The following CRB1 variants were observed in gnomAD, a reference collection of about 807,000 sequenced individuals.
CRB1 encodes protein crumbs homolog 1.
Under a neutral mutation model 120.0 loss-of-function variants are expected in CRB1, and 83 were observed. The observed-to-expected ratio is 0.69, with a 90% confidence interval of 0.58 to 0.83. The LOEUF (loss-of-function observed/expected upper bound fraction) is 0.83. CRB1 is among the 40% of genes least tolerant of loss of function. The pLI, the probability that CRB1 is intolerant of heterozygous loss-of-function variation, is 0.00. For missense variants in CRB1, 1,699 were observed against 1,687.6 expected (o/e 1.01, Z -0.12); for synonymous variants, 625 against 612.5 (o/e 1.02, Z -0.30).
At chr1:197,332,968 C>T (rs1415909613) in intron 2 of CRB1, among the ~76,000 whole-genome samples, 2 of 152,140 alleles carry the variant, frequency 1.3e-5, no homozygotes, top group Non-Finnish European at 2.9e-5. Context: ...CAGCAATCAG[C>T]ATGGATGTGC....
At chr1:197,464,746 G>GA (rs144146441) in intron 11 of CRB1, among the ~76,000 whole-genome samples, 6 of 151,674 alleles carry the variant, frequency 4.0e-5, no homozygotes, top group East Asian at 3.9e-4. Context: ...GAATTATCCA[G>GA]AAAAAAAACT....
chr1:197,372,195 A>G (rs1297093123), intron 5 of CRB1, among the ~76,000 whole-genome samples: 1 of 151,714 alleles, frequency 6.6e-6, no homozygotes, highest in Admixed American at 6.6e-5. Context: ...TTTCAACTCT[A>G]CTCCCCAGGG....
intron 5 of CRB1, among the ~76,000 whole-genome samples, chr1:197,397,635 A>G (rs552561001): frequency 6.6e-6 from 1 of 152,196 alleles, no homozygotes; most frequent in Non-Finnish European, 1.5e-5. Flanking sequence ...CAATAAAAAG[A>G]CCCAAACCAT....
intron 4 of CRB1, among the ~76,000 whole-genome samples, chr1:197,349,231 C>T (rs1486946320): frequency 6.6e-6 from 1 of 152,208 alleles, no homozygotes; most frequent in African/African-American, 2.4e-5. Context: ...CAGCAATAGA[C>T]TATACCCTAT....
At chr1:197,227,412 A>G in the CRB1 span, among the ~76,000 whole-genome samples, 2 of 124,792 alleles carry the variant, frequency 1.6e-5, no homozygotes, top group Non-Finnish European at 3.2e-5. Flanking sequence ...TTTTTTTTTG[A>G]GATGGAGTCT....
the CRB1 span, among the ~76,000 whole-genome samples, chr1:197,213,975 A>C: frequency 6.6e-6 from 1 of 152,180 alleles, no homozygotes; most frequent in Admixed American, 6.5e-5. Flanking sequence ...AAGAAGTAGA[A>C]AAGGAAGAAC....
chr1:197,420,111 G>A (rs1016892837), intron 5 of CRB1, among the ~76,000 whole-genome samples: 2 of 151,896 alleles, frequency 1.3e-5, no homozygotes, highest in Non-Finnish European at 2.9e-5. Context: ...AAGAATATCT[G>A]CTTTGAAAAC....
At chr1:197,439,331 A>C (rs1665320663) in intron 10 of CRB1, 1 of 154,884 alleles carries the variant, frequency 6.5e-6, no homozygotes. Context: ...TATAGAATAC[A>C]GATACTATAT....
chr1:197,305,326 A>C (rs553427658), intron 1 of CRB1, among the ~76,000 whole-genome samples: 2 of 152,232 alleles, frequency 1.3e-5, no homozygotes, highest in African/African-American at 4.8e-5. Context: ...CAAGTGTATA[A>C]ACATATTTGT....
the CRB1 span, among the ~76,000 whole-genome samples, chr1:197,257,108 G>A: frequency 4.1e-4 from 62 of 151,890 alleles, no homozygotes; most frequent in African/African-American, 1.4e-3. Flanking sequence ...TGTAACTCTC[G>A]GTCCAAGTCC....
intron 5 of CRB1, among the ~76,000 whole-genome samples, chr1:197,386,523 A>T (rs1318340752): frequency 6.6e-6 from 1 of 152,146 alleles, no homozygotes; most frequent in Non-Finnish European, 1.5e-5. Flanking sequence ...CCCTGAATTC[A>T]TATCTGTCCC....
At chr1:197,261,617 C>T in the CRB1 span, among the ~76,000 whole-genome samples, 3 of 152,048 alleles carry the variant, frequency 2.0e-5, no homozygotes, top group Admixed American at 6.5e-5. Flanking sequence ...TGGTATAAAA[C>T]GATATTCATT....
At chr1:197,469,879 ATTGT>A (rs767747587) in intron 11 of CRB1, among the ~76,000 whole-genome samples, 55 of 152,172 alleles carry the variant, frequency 3.6e-4, no homozygotes, top group South Asian at 4.2e-4. Flanking sequence ...AAACAAACAC[ATTGT>A]TTGTTGATTT....
At chr1:197,451,820 C>T (rs1665988899) in intron 11 of CRB1, among the ~76,000 whole-genome samples, 1 of 152,166 alleles carries the variant, frequency 6.6e-6, no homozygotes, top group Admixed American at 6.5e-5. Context: ...ATTAGAAAAA[C>T]ATTCCATTAT....
chr1:197,474,653 C>G (rs1667122940), intron 11 of CRB1, among the ~76,000 whole-genome samples: 1 of 152,098 alleles, frequency 6.6e-6, no homozygotes, highest in Non-Finnish European at 1.5e-5. Flanking sequence ...TAATCAATCT[C>G]AGGCTGAATG....
rs757884719 is a variant in CRB1 at position 197,421,764 on chromosome 1, A to G, written c.1936A>G (p.Ile646Val). ...TTCGTTTGTAGGCTGTCTCCAAGACATTAAAATTGATTGGAATCACATTAC... is the reference window on the plus strand; with the variant it reads ...TTCGTTTGTAGGCTGTCTCCAAGACGTTAAAATTGATTGGAATCACATTAC... Reference protein sequence around the residue: ...TPSFVGCLQDIKIDWNHITLE... With the variant: ...TPSFVGCLQDVKIDWNHITLE... Residue 646 changes from isoleucine (I) to valine (V), a missense_variant, in exon 6 of 12, where the codon ATT (isoleucine) becomes GTT (valine). Transcript: ENST00000367400. The G allele has an allele frequency of 4.3e-6, 7 of 1,614,106 alleles. No homozygotes were observed. Among genetic ancestry groups the G allele is most frequent in the African/African-American group, 1.3e-5 (1 of 74,952 alleles).
chr1:197,419,551 T>C (rs537251023), intron 5 of CRB1, among the ~76,000 whole-genome samples: 155 of 152,110 alleles, frequency 1.0e-3, no homozygotes, highest in African/African-American at 3.5e-3. Flanking sequence ...TTAGTAAAGA[T>C]AGGATTTCAC....
At chr1:197,261,683 ATTCT>A in the CRB1 span, among the ~76,000 whole-genome samples, 6 of 152,274 alleles carry the variant, frequency 3.9e-5, no homozygotes, top group South Asian at 1.2e-3. Flanking sequence ...TTCATCAAAG[ATTCT>A]TTATATTTAT....
At chr1:197,390,810 T>C (rs1662467901) in intron 5 of CRB1, among the ~76,000 whole-genome samples, 2 of 152,100 alleles carry the variant, frequency 1.3e-5, no homozygotes, top group Non-Finnish European at 2.9e-5. Flanking sequence ...ATTTGATTCT[T>C]GGTGATTGAT....
Sources: allele counts gnomAD v4.1 joint callset (sites outside exome capture counted in the v4.1 genomes callset), GRCh38; gene constraint gnomAD v4.1.1; transcripts MANE v1.5; gene names NCBI Gene and HGNC (gene_info 2026-07-23, HGNC 2026-07-21).